MIOS: variants seen among roughly 807,000 people sequenced by gnomAD.
MIOS encodes GATOR2 complex protein MIOS.
In MIOS, 52 loss-of-function variants were observed where a neutral mutation model predicts 96.9. The ratio of observed to expected loss-of-function variants is 0.54; its 90% confidence interval spans 0.43 to 0.68. The LOEUF (loss-of-function observed/expected upper bound fraction) is 0.68. Ranked by LOEUF, MIOS falls within the 30% of genes least tolerant of loss-of-function variation. The probability of loss-of-function intolerance (pLI) is 0.00; values close to 1 mark genes in which losing one functional copy is unlikely to be tolerated. For missense variants in MIOS, 1,005 were observed against 1,052.8 expected, an observed-to-expected ratio of 0.95 and a Z score of 0.63; for synonymous variants, 397 against 359.5, an observed-to-expected ratio of 1.10 and a Z score of -1.18.
chr7:7,583,186 GAAGA>G lies in MIOS; in HGVS notation c.1463_1466del (p.Glu488GlyfsTer4), dbSNP rs1783784632. 1 of 1,614,028 alleles carries G rather than the reference GAAGA, an allele frequency of 6.2e-7. No homozygotes were observed. Among genetic ancestry groups the G allele is most frequent in the Non-Finnish European group, 8.5e-7 (1 of 1,180,010 alleles). ...GCAAAGTGATATTCAAAATTTAAATGAAGAGAGAATCTTAGCTTTACAGCTTTGT... is the reference window on the plus strand; with the variant it reads ...GCAAAGTGATATTCAAAATTTAAATGGAGAATCTTAGCTTTACAGCTTTGT... On this transcript the variant is annotated frameshift_variant, in exon 6 of 13. Coordinates refer to ENST00000340080, the MANE Select transcript of MIOS (RefSeq NM_019005.4). LOFTEE classifies it high-confidence loss of function.
chr7:7,595,162 T>C, intron 10 of MIOS, 30 bp downstream of exon 10: 2 of 1,585,238 alleles, frequency 1.3e-6, no homozygotes, highest in Non-Finnish European at 8.6e-7. Flanking sequence ...GAAAATCAAA[T>C]TGTAACATGT....
intron 10 of MIOS, among the ~76,000 whole-genome samples, chr7:7,595,500 C>G (rs1264400314): frequency 1.3e-5 from 2 of 152,046 alleles, no homozygotes; most frequent in Non-Finnish European, 2.9e-5. Flanking sequence ...AGCAGTATTA[C>G]CTATATCTAT....
At chr7:7,583,047 C>T (rs2115406273) in intron 5 of MIOS, 71 bp from the exon 6 acceptor site, 6 of 1,439,350 alleles carry the variant, frequency 4.2e-6, no homozygotes, top group East Asian at 2.5e-5. Context: ...CAACATAGTT[C>T]TCTGTAAAAC....
rs1469879637 is a variant in MIOS at position 7,572,251 on chromosome 7, G to A, written c.-40-185G>A. On this transcript the variant is annotated intron_variant, in intron 3 of 12. Coordinates refer to ENST00000340080, the MANE Select transcript of MIOS (RefSeq NM_019005.4). The surrounding 1 kb of genome is among the most constrained non-coding windows in gnomAD (Gnocchi z 4.8). ...CCAGCTCATTTTATTGGAAGTGGTT[G>A]TTCTTTCTCCTTTTTTTTCAATAAA... 1.3e-5 allele frequency among the ~76,000 whole-genome samples: 2 copies of A among 152,118 alleles called. No individual in the cohort carries two copies. The highest frequency in any genetic ancestry group is 2.4e-5 in the African/African-American group (1 of 41,414).
At chr7:7,568,995 T>C (rs1217668589) in intron 3 of MIOS, among the ~76,000 whole-genome samples, 1 of 152,256 alleles carries the variant, frequency 6.6e-6, no homozygotes, top group Non-Finnish European at 1.5e-5. Flanking sequence ...AGATGGATTT[T>C]TCTTTGTGGC....
At chr7:7,598,975 C>G (rs967558417) in intron 11 of MIOS, among the ~76,000 whole-genome samples, 1 of 151,890 alleles carries the variant, frequency 6.6e-6, no homozygotes, top group Non-Finnish European at 1.5e-5. Context: ...ACTGATTTTA[C>G]TTGATACATT....
At chr7:7,600,436 A>G (rs912052326) in intron 11 of MIOS, among the ~76,000 whole-genome samples, 5 of 152,210 alleles carry the variant, frequency 3.3e-5, no homozygotes, top group African/African-American at 1.2e-4. Context: ...CTCAGATAAA[A>G]CAGAGTTTAA....
At chr7:7,577,304 G>C (rs2115374365) in intron 5 of MIOS, among the ~76,000 whole-genome samples, 1 of 152,284 alleles carries the variant, frequency 6.6e-6, no homozygotes, top group African/African-American at 2.4e-5. Flanking sequence ...AGGACTCACT[G>C]AATTTAGGAC....
At chr7:7,579,205 A>C (rs1194450257) in intron 5 of MIOS, among the ~76,000 whole-genome samples, 1 of 152,196 alleles carries the variant, frequency 6.6e-6, no homozygotes, top group Non-Finnish European at 1.5e-5. Flanking sequence ...AAAACTCATA[A>C]GTTAAAACCC....
In MIOS at chr7:7,606,924, AAAAT is replaced by A. The variant is rs146035803; in HGVS notation, c.2532-55_2532-52del. On this transcript the variant is annotated intron_variant, in intron 12 of 12. Coordinates refer to ENST00000340080, the MANE Select transcript of MIOS (RefSeq NM_019005.4). ...AATATAGGGAGACCCTGTCTCTTAA[AAAAT>A]AAATAAATAAATAAATGTATGTCTG... 2.5e-3 allele frequency: 3,119 copies of A among 1,228,460 alleles called. 6 individuals carry two copies. Among genetic ancestry groups the A allele is most frequent in the Non-Finnish European group, 3.4e-3 (2,932 of 857,272 alleles). The allele number at this position is 1,228,460 out of a possible 1,614,324, so 76.1% of individuals were successfully genotyped here. A position where few individuals can be genotyped will look rare whatever the true frequency, so the allele number is the denominator to read the frequency against.
intron 9 of MIOS, among the ~76,000 whole-genome samples, chr7:7,594,139 A>C (rs1213534095): frequency 2.0e-5 from 3 of 152,210 alleles, no homozygotes; most frequent in African/African-American, 7.2e-5. Flanking sequence ...ATTATTTTTA[A>C]GGCAAGAAAT....
At chr7:7,576,850 T>A (rs1240752955) in intron 5 of MIOS, among the ~76,000 whole-genome samples, 1 of 151,998 alleles carries the variant, frequency 6.6e-6, no homozygotes, top group Non-Finnish European at 1.5e-5. Flanking sequence ...TAGGAGAAAA[T>A]TTAATGATTA....
chr7:7,577,134 G>A (rs1236462798), intron 5 of MIOS, among the ~76,000 whole-genome samples: 1 of 152,100 alleles, frequency 6.6e-6, no homozygotes, highest in Non-Finnish European at 1.5e-5. Flanking sequence ...GAAAGAGATG[G>A]CTTAAAGGAG....
At chr7:7,580,438 A>G (rs1442391182) in intron 5 of MIOS, among the ~76,000 whole-genome samples, 3 of 152,186 alleles carry the variant, frequency 2.0e-5, no homozygotes, top group South Asian at 2.1e-4. Flanking sequence ...TGAATTGGCA[A>G]TAGTTTCCAA....
At chr7:7,568,732 C>G (rs77867081) in intron 3 of MIOS, among the ~76,000 whole-genome samples, 1,666 of 152,252 alleles carry the variant, frequency 0.011, 41 homozygotes, top group African/African-American at 0.038. Flanking sequence ...TAATCTAGGA[C>G]GGAAGTTGAG....
chr7:7,588,362 C>T (rs1030190904), intron 7 of MIOS, 136 bp from the exon 8 acceptor site: 1 of 449,574 alleles, frequency 2.2e-6, no homozygotes, highest in Non-Finnish European at 3.8e-6. Context: ...ATTAATGGCT[C>T]TGCAAGATAA....
intron 2 of MIOS, 46 bp from the exon 3 acceptor site, chr7:7,567,980 A>G (rs574695171): frequency 6.6e-6 from 1 of 151,992 alleles, no homozygotes; most frequent in South Asian, 2.1e-4. Context: ...TGTGGCTACT[A>G]GAAATTTTTA....
intron 8 of MIOS, 44 bp from the exon 9 acceptor site, chr7:7,589,359 CAT>C: frequency 6.4e-7 from 1 of 1,555,330 alleles, no homozygotes; most frequent in Non-Finnish European, 8.8e-7. Flanking sequence ...GTACAAAATA[CAT>C]AGTGAAACAG....
intron 5 of MIOS, among the ~76,000 whole-genome samples, chr7:7,579,218 G>A (rs1486106843): frequency 6.6e-6 from 1 of 152,088 alleles, no homozygotes; most frequent in African/African-American, 2.4e-5. Context: ...TAAAACCCAT[G>A]CTGACATCAT....
Sources: gnomAD v4.1 joint callset for allele counts (sites outside exome capture counted in the v4.1 genomes callset) on GRCh38, gnomAD v4.1.1 for gene constraint, Gnocchi (gnomAD v3.1) non-coding constraint, MANE v1.5 for transcripts, NCBI Gene and HGNC (gene_info 2026-07-23, HGNC 2026-07-21) for gene names.